Variants in CFAP77 observed in about 807,000 individuals in gnomAD.
The protein encoded by CFAP77 is cilia and flagella associated protein 77, also known as cilia- and flagella-associated protein 77.
CFAP77 carries 25 observed loss-of-function variants against 31.1 expected under a neutral mutation model. The ratio of observed to expected loss-of-function variants is 0.80; its 90% confidence interval spans 0.59 to 1.12. CFAP77 has a LOEUF of 1.12. Among genes scored for constraint, CFAP77 ranks in the 50% most tolerant of loss-of-function variants. The pLI is 0.00. For missense variants in CFAP77, 377 were observed against 397.3 expected, an observed-to-expected ratio of 0.95 and a Z score of 0.44; for synonymous variants, 151 against 159.9, an observed-to-expected ratio of 0.94 and a Z score of 0.42.
intron 1 of CFAP77, among the ~76,000 whole-genome samples, chr9:132,438,952 T>C (rs2131700242): frequency 6.6e-6 from 1 of 151,324 alleles, no homozygotes. Flanking sequence ...CTCGGCTCAC[T>C]GCAACCTCTG....
chr9:132,427,628 A>C (rs551829291), intron 1 of CFAP77, among the ~76,000 whole-genome samples: 87 of 152,184 alleles, frequency 5.7e-4, no homozygotes, highest in African/African-American at 2.1e-3. Context: ...AAAAAACAAC[A>C]ACAAAAAAAC....
intron 1 of CFAP77, among the ~76,000 whole-genome samples, chr9:132,442,220 C>A (rs922415498): frequency 1.3e-5 from 2 of 152,154 alleles, no homozygotes; most frequent in Non-Finnish European, 2.9e-5. Flanking sequence ...ATGGCATTCG[C>A]ATCTTGATGG....
At chr9:132,469,098 C>T (rs1294740384) in intron 1 of CFAP77, among the ~76,000 whole-genome samples, 3 of 150,990 alleles carry the variant, frequency 2.0e-5, no homozygotes, top group African/African-American at 7.3e-5. Flanking sequence ...AAGGCATGCT[C>T]CCTTGTTAGC....
chr9:132,472,090 C>T (rs896289990), intron 1 of CFAP77, among the ~76,000 whole-genome samples: 17 of 152,164 alleles, frequency 1.1e-4, no homozygotes, highest in Admixed American at 8.5e-4. Flanking sequence ...CAGATCCCCC[C>T]GCCGCCCCCA....
Position 132,570,408 on chromosome 9 carries a change from G to A in CFAP77, c.733-1980G>A, listed in dbSNP as rs1040486283. 3.3e-5 allele frequency among the ~76,000 whole-genome samples: 5 copies of A among 152,210 alleles called. No homozygotes were observed. The East Asian group carries it at 5.8e-4, about 18-fold the overall frequency. ...CCCTTGGTTGCAAGAGCCCCAATGC[G>A]ATTCTGAGGCAAAACCAAAAAATCT... is the stretch of plus-strand genomic sequence containing the variant. On this transcript the variant is annotated intron_variant, in intron 5 of 5. Coordinates refer to ENST00000393216, the MANE Select transcript of CFAP77 (RefSeq NM_001282957.2).
At chr9:132,444,632 G>A (rs544968295) in intron 1 of CFAP77, among the ~76,000 whole-genome samples, 61 of 152,306 alleles carry the variant, frequency 4.0e-4, no homozygotes, top group African/African-American at 1.4e-3. Flanking sequence ...TCCCGAAATC[G>A]TGCAGTGTTT....
chr9:132,517,103 C>T lies in CFAP77; in HGVS notation c.524+17503C>T, dbSNP rs539584446. Among the ~76,000 whole-genome samples, 49 of 152,248 alleles carry T rather than the reference C, an allele frequency of 3.2e-4. No homozygotes were observed. Among genetic ancestry groups the T allele is most frequent in the African/African-American group, 1.1e-3 (47 of 41,530 alleles). On this transcript the variant is annotated intron_variant, in intron 3 of 5. Coordinates refer to ENST00000393216, the MANE Select transcript of CFAP77 (RefSeq NM_001282957.2). This position sits in a 1 kb window ranked among gnomAD's most constrained non-coding sequence, Gnocchi z 4.7. ...TGGATCTCCCTAGACGGCTCCACTTCTGGGTGTCCCTCATGGATCGGGTGT... is the reference window on the plus strand; with the variant it reads ...TGGATCTCCCTAGACGGCTCCACTTTTGGGTGTCCCTCATGGATCGGGTGT...
At position 132,531,625 on chromosome 9, in the gene CFAP77, T is replaced by TGGC. The variant is rs1554748477; in HGVS notation, c.525-5974_525-5973insCGG. Among the ~76,000 whole-genome samples the TGGC allele has an allele frequency of 1.1e-4, 7 of 66,044 alleles. 1 individual carries two copies. The highest frequency in any genetic ancestry group is 3.4e-4 in the African/African-American group (7 of 20,462). 43.3% of individuals were successfully genotyped at this position (66,044 alleles called of 152,430 possible). A position where few individuals can be genotyped will look rare whatever the true frequency, so the allele number is the denominator to read the frequency against. On this transcript the variant is annotated intron_variant, in intron 3 of 5. Transcript: ENST00000393216. ...ATGAGTCTGGGCTTAGGCTAAGACATGGGGGGGGGGGCATGGAAGGCATTT... is the reference window on the plus strand; with the variant it reads ...ATGAGTCTGGGCTTAGGCTAAGACATGGCGGGGGGGGGGGCATGGAAGGCATTT...
chr9:132,422,845 G>A (rs2362365), intron 1 of CFAP77, among the ~76,000 whole-genome samples: 51,779 of 152,146 alleles, frequency 0.34, 9,068 homozygotes, highest in East Asian at 0.52. Flanking sequence ...AGCGTGCTGC[G>A]ATGTGACAGC....
At chr9:132,471,443 A>AC (rs112584387) in intron 1 of CFAP77, among the ~76,000 whole-genome samples, 84 of 136,030 alleles carry the variant, frequency 6.2e-4, no homozygotes, top group African/African-American at 6.9e-4. Context: ...TCCTTTAAGG[A>AC]CCCCCCCCCA....
intron 1 of CFAP77, among the ~76,000 whole-genome samples, chr9:132,445,818 G>A (rs1480362152): frequency 1.3e-5 from 2 of 148,642 alleles, no homozygotes; most frequent in African/African-American, 2.5e-5. Context: ...GCAGTGAGCC[G>A]AGATTGCACC....
Position 132,455,200 on chromosome 9 carries a change from G to A in CFAP77, c.196-43495G>A, listed in dbSNP as rs1248605149. Among the ~76,000 whole-genome samples, 1 of 151,996 alleles carries A rather than the reference G, an allele frequency of 6.6e-6. No homozygotes were observed. The highest frequency in any genetic ancestry group is 2.4e-5 in the African/African-American group (1 of 41,380). On this transcript the variant is annotated intron_variant, in intron 1 of 5. Transcript: ENST00000393216. The surrounding 1 kb of genome is among the most constrained non-coding windows in gnomAD (Gnocchi z 4.1). ...ATTGCAGCAGAGCCCAGTAGTGTGGGGTTCTTACCTTAAAAAGTGGAACTG... is the reference window on the plus strand; with the variant it reads ...ATTGCAGCAGAGCCCAGTAGTGTGGAGTTCTTACCTTAAAAAGTGGAACTG...
chr9:132,420,478 C>A (rs1850193673), intron 1 of CFAP77, among the ~76,000 whole-genome samples: 2 of 151,332 alleles, frequency 1.3e-5, no homozygotes, highest in Admixed American at 6.6e-5. Flanking sequence ...CATGGTAAAA[C>A]CCTATCTCTA....
chr9:132,519,164 A>ATAGG (rs1356423406), intron 3 of CFAP77, among the ~76,000 whole-genome samples: 1 of 138,816 alleles, frequency 7.2e-6, no homozygotes, highest in Admixed American at 7.2e-5. Flanking sequence ...GGGTGGATGG[A>ATAGG]TAGGTGGGTG....
intron 1 of CFAP77, among the ~76,000 whole-genome samples, chr9:132,474,754 T>C (rs1851322725): frequency 6.6e-6 from 1 of 152,098 alleles, no homozygotes; most frequent in South Asian, 2.1e-4. Flanking sequence ...GGCAGGTTGT[T>C]TGGGGGGTAT....
At position 132,455,419 on chromosome 9, in the gene CFAP77, G is replaced by A. The variant is rs147719810; in HGVS notation, c.196-43276G>A. Among the ~76,000 whole-genome samples the A allele has an allele frequency of 0.056, 8,507 of 151,708 alleles. 778 individuals are homozygous for A. The highest frequency in any genetic ancestry group is 0.19 in the African/African-American group (7,808 of 41,332). ...CTACTCGGGAGGCTGAGGCAGGGAG[G>A]ACTGCTTGAAACCAGGAGGTGGAGG... On this transcript the variant is annotated intron_variant, in intron 1 of 5. Transcript: ENST00000393216. This position sits in a 1 kb window ranked among gnomAD's most constrained non-coding sequence, Gnocchi z 4.1.
At chr9:132,566,020 G>A (rs535451774) in intron 5 of CFAP77, among the ~76,000 whole-genome samples, 2 of 152,320 alleles carry the variant, frequency 1.3e-5, no homozygotes, top group African/African-American at 2.4e-5. Flanking sequence ...GAGACAGACC[G>A]CAGATGGCTT....
intron 1 of CFAP77, among the ~76,000 whole-genome samples, chr9:132,458,357 G>GGTGTGT (rs1554738862): frequency 8.4e-6 from 1 of 119,046 alleles, no homozygotes; most frequent in Non-Finnish European, 1.7e-5. Flanking sequence ...GAGGGGGGGG[G>GGTGTGT]GTGTGTATGG....
intron 1 of CFAP77, among the ~76,000 whole-genome samples, chr9:132,410,870 C>T (rs1448580077): frequency 6.6e-6 from 1 of 152,212 alleles, no homozygotes; most frequent in Non-Finnish European, 1.5e-5. Flanking sequence ...AGGGTAAAGG[C>T]CGCCTCTCCG....
Sources: allele counts gnomAD v4.1 joint callset (sites outside exome capture counted in the v4.1 genomes callset), GRCh38; gene constraint gnomAD v4.1.1; non-coding constraint Gnocchi (gnomAD v3.1); transcripts MANE v1.5; gene names NCBI Gene and HGNC (gene_info 2026-07-23, HGNC 2026-07-21).